Variants in ZNF292 observed in about 807,000 individuals in gnomAD.
ZNF292 encodes zinc finger protein 292.
ZNF292 carries 26 observed loss-of-function variants against 217.9 expected under a neutral mutation model. The observed-to-expected ratio is 0.12, with a 90% CI of 0.09 to 0.17. The LOEUF is 0.17. ZNF292 is among the 10% of genes least tolerant of loss of function. ZNF292 has a pLI of 1.00. For missense variants in ZNF292, 2,904 were observed against 3,175.2 expected (o/e 0.91, Z 2.05); for synonymous variants, 1,257 against 1,124.1 (o/e 1.12, Z -2.37).
chr6:87,183,924 A>G (rs1156508246), intron 1 of ZNF292, among the ~76,000 whole-genome samples: 2 of 152,228 alleles, frequency 1.3e-5, no homozygotes, highest in Admixed American at 6.5e-5. Context: ...TCACCACCAC[A>G]TATGCAGTTG....
At chr6:87,176,599 C>A (rs1274932650) in intron 1 of ZNF292, among the ~76,000 whole-genome samples, 1 of 152,148 alleles carries the variant, frequency 6.6e-6, no homozygotes, top group Non-Finnish European at 1.5e-5. Context: ...GTAGCATTTA[C>A]TGAACCCTAT....
chr6:87,231,325 G>GA (rs879371187), intron 4 of ZNF292, among the ~76,000 whole-genome samples: 91 of 148,080 alleles, frequency 6.1e-4, no homozygotes, highest in South Asian at 1.7e-3. Flanking sequence ...TAGTCAAATA[G>GA]AAAAAAAAAA....
intron 4 of ZNF292, among the ~76,000 whole-genome samples, chr6:87,221,968 A>G (rs560824557): frequency 3.5e-4 from 53 of 152,308 alleles, no homozygotes; most frequent in African/African-American, 1.3e-3. Flanking sequence ...TGAGGTTACT[A>G]AAATCATTTA....
At chr6:87,245,155 C>T (rs1438818704) in intron 6 of ZNF292, among the ~76,000 whole-genome samples, 4 of 151,884 alleles carry the variant, frequency 2.6e-5, no homozygotes, top group South Asian at 2.1e-4. Context: ...GCAGAAGAAT[C>T]GCTTGAACCC....
chr6:87,187,671 C>T (rs1033613922), intron 1 of ZNF292, among the ~76,000 whole-genome samples: 3 of 146,608 alleles, frequency 2.0e-5, no homozygotes, highest in Admixed American at 6.9e-5. Context: ...GCCAAGATTG[C>T]ACCATTGCAC....
Position 87,256,103 on chromosome 6 carries a change from A to G in ZNF292, c.2474A>G (p.Glu825Gly). The G allele has an allele frequency of 6.2e-7, 1 of 1,613,574 alleles. No homozygotes were observed. The highest frequency in any genetic ancestry group is 1.1e-5 in the South Asian group (1 of 91,002). Residue 825 changes from glutamate (E) to glycine (G), a missense_variant, in exon 8 of 8, where the codon GAA becomes GGA. Coordinates refer to ENST00000369577, the MANE Select transcript of ZNF292 (RefSeq NM_015021.3). ...GTTTATCGTTCTCAGGGTGAGCTGG[A>G]AAAGCATCTGGATGATCACAGTACT... ...GKVYRSQGEL[E>G]KHLDDHSTPP...
In ZNF292 at chr6:87,255,502, A is replaced by T; in HGVS notation, c.1873A>T (p.Asn625Tyr). 6.2e-7 allele frequency: 1 copy of T among 1,613,472 alleles called. No individual in the cohort carries two copies. The highest frequency in any genetic ancestry group is 8.5e-7 in the Non-Finnish European group (1 of 1,179,704). Residue 625 changes from asparagine (N) to tyrosine (Y), a missense_variant, in exon 8 of 8, where the codon AAT (asparagine) becomes TAT (tyrosine). Around this residue, in one of 15 missense-constraint regions of ZNF292, gnomAD observed 216 missense variants for 308.3 expected, o/e 0.70. Transcript: ENST00000369577. Reference sequence around the variant, plus strand: ...AACTACCAATGAAAATCAGAAGACTAATACTGTGGCTAAACAGGAGCAGCG... The same window carrying T: ...AACTACCAATGAAAATCAGAAGACTTATACTGTGGCTAAACAGGAGCAGCG... ...ITTTNENQKT[N>Y]TVAKQEQRPI...
chr6:87,249,107 C>CT (rs1774758103), intron 7 of ZNF292, among the ~76,000 whole-genome samples: 1 of 152,154 alleles, frequency 6.6e-6, no homozygotes, highest in African/African-American at 2.4e-5. Flanking sequence ...TGGCAGCAGC[C>CT]TTCTTCTCTG....
intron 4 of ZNF292, among the ~76,000 whole-genome samples, chr6:87,226,112 T>A (rs1315225777): frequency 6.6e-6 from 1 of 152,208 alleles, no homozygotes; most frequent in East Asian, 1.9e-4. Flanking sequence ...TTAGGCACTT[T>A]CCCTCTACTT....
At chr6:87,191,584 A>G (rs1294395931) in intron 1 of ZNF292, among the ~76,000 whole-genome samples, 1 of 152,174 alleles carries the variant, frequency 6.6e-6, no homozygotes, top group African/African-American at 2.4e-5. Context: ...TTGACCTCCA[A>G]AAGTGCAGTG....
In ZNF292 at chr6:87,261,310, G is replaced by A. The variant is rs375075056; in HGVS notation, c.7681G>A (p.Val2561Met). ...AGCATCAGCAGCTGAGTTAAGTAGCGTGCGTAAAGAAGAAGAAACTGCTGT... is the reference window on the plus strand; with the variant it reads ...AGCATCAGCAGCTGAGTTAAGTAGCATGCGTAAAGAAGAAGAAACTGCTGT... ...EPASAAELSSVRKEEETAVAI... is the reference protein window; with the variant it reads ...EPASAAELSSMRKEEETAVAI... The change falls in exon 8 of 8, where the codon GTG becomes ATG. Residue 2561 changes from valine (V) to methionine (M), a missense_variant. Val to Met is a conservative substitution (Grantham distance 21). Transcript: ENST00000369577. The A allele has an allele frequency of 2.7e-5, 43 of 1,613,342 alleles. No homozygotes were observed. Among genetic ancestry groups the A allele is most frequent in the South Asian group, 1.8e-4 (16 of 91,068 alleles).
intron 1 of ZNF292, among the ~76,000 whole-genome samples, chr6:87,166,051 C>G (rs1352835939): frequency 6.6e-6 from 1 of 152,162 alleles, no homozygotes; most frequent in Non-Finnish European, 1.5e-5. Flanking sequence ...AGCCCTGTCA[C>G]CTGGACAGTT....
chr6:87,171,197 G>A (rs1771083692), intron 1 of ZNF292, among the ~76,000 whole-genome samples: 1 of 152,122 alleles, frequency 6.6e-6, no homozygotes, highest in African/African-American at 2.4e-5. Context: ...TAGTTGATGG[G>A]AGTGAATGTG....
chr6:87,244,679 A>G (rs1774476949), intron 6 of ZNF292, among the ~76,000 whole-genome samples: 1 of 152,162 alleles, frequency 6.6e-6, no homozygotes, highest in Non-Finnish European at 1.5e-5. Flanking sequence ...CAACTGGGAA[A>G]TTACTGTGGC....
rs143792820 is a variant in ZNF292 at position 87,222,132 on chromosome 6, T to G, written c.538+3401T>G. Among the ~76,000 whole-genome samples, 260 of 152,252 alleles carry G rather than the reference T, an allele frequency of 1.7e-3. 2 individuals are homozygous for G. The highest frequency in any genetic ancestry group is 5.3e-3 in the African/African-American group (219 of 41,558). The stretch of plus-strand genomic sequence containing the variant: ...TGTCTCCCCAACTTGTCAAGATTCT[T>G]TTTAATCCTGATTTTGTTATTCAAG... On this transcript the variant is annotated intron_variant, in intron 4 of 7. Coordinates refer to ENST00000369577, the MANE Select transcript of ZNF292 (RefSeq NM_015021.3).
At position 87,260,911 on chromosome 6, in the gene ZNF292, A is replaced by C. The variant is rs1456848882; in HGVS notation, c.7282A>C (p.Lys2428Gln). The stretch of plus-strand genomic sequence containing the variant: ...ACACCGAAATCTTCTTATTGTATTC[A>C]AACGGTGTTGCAACTCACAAGTAAA... ...SQHRNLLIVF[K>Q]RCCNSQVKET... Residue 2428 changes from lysine (K) to glutamine (Q), a missense_variant, in exon 8 of 8, where the codon AAA (lysine) becomes CAA (glutamine). Transcript: ENST00000369577. The C allele has an allele frequency of 1.2e-6, 2 of 1,610,812 alleles. No homozygotes were observed. The highest frequency in any genetic ancestry group is 1.7e-6 in the Non-Finnish European group (2 of 1,178,368).
intron 1 of ZNF292, among the ~76,000 whole-genome samples, chr6:87,158,571 G>T (rs1216826364): frequency 6.6e-6 from 1 of 152,186 alleles, no homozygotes; most frequent in Non-Finnish European, 1.5e-5. Flanking sequence ...CTACTTACGA[G>T]GCTGAGGTGG....
rs1775735090 is a variant in ZNF292, at chr6:87,264,029, G to T, written c.*2228G>T. The T allele has an allele frequency of 6.6e-6, 1 of 151,950 alleles. No individual in the cohort carries two copies. Among genetic ancestry groups the T allele is most frequent in the South Asian group, 2.1e-4 (1 of 4,824 alleles). 9.4% of individuals were successfully genotyped at this position (151,950 alleles called of 1,614,324 possible). A position where few individuals can be genotyped will look rare whatever the true frequency, so the allele number is the denominator to read the frequency against. On this transcript the variant is annotated 3_prime_UTR_variant, in exon 8 of 8. Transcript: ENST00000369577. ...ATTTAATGAAATTTTTATATTCCAG[G>T]TAATGTATACTAAAGGTAATTATGA...
intron 1 of ZNF292, among the ~76,000 whole-genome samples, chr6:87,177,349 A>G (rs1387194045): frequency 6.6e-6 from 1 of 151,704 alleles, no homozygotes. Flanking sequence ...AAATGTTTTG[A>G]ATCCTTCAGT....
Sources: gnomAD v4.1 joint callset for allele counts (sites outside exome capture counted in the v4.1 genomes callset) on GRCh38, gnomAD v4.1.1 for gene constraint, gnomAD v4.1.1 regional missense constraint, MANE v1.5 for transcripts, NCBI Gene and HGNC (gene_info 2026-07-23, HGNC 2026-07-21) for gene names.